SSH2: variants seen among roughly 807,000 people sequenced by gnomAD.
SSH2 encodes slingshot protein phosphatase 2.
A neutral mutation model predicts 135.2 loss-of-function variants in SSH2; 37 were observed. That is an observed-to-expected ratio of 0.27 (90% confidence interval 0.21 to 0.36). SSH2 has a LOEUF of 0.36. Ranked by LOEUF, SSH2 falls within the 10% of genes least tolerant of loss-of-function variation. The pLI is 1.00. For synonymous variants in SSH2, 628 were observed against 646.2 expected (o/e 0.97, Z 0.43); for missense variants, 1,408 against 1,765.3 (o/e 0.80, Z 3.63).
chr17:29,728,903 G>A (rs1424305905), intron 3 of SSH2, among the ~76,000 whole-genome samples: 1 of 152,148 alleles, frequency 6.6e-6, no homozygotes, highest in Non-Finnish European at 1.5e-5. Flanking sequence ...AATCAAAATG[G>A]ATTAAATACT....
At chr17:29,833,233 TC>T (rs1220552072) in intron 2 of SSH2, among the ~76,000 whole-genome samples, 5 of 152,208 alleles carry the variant, frequency 3.3e-5, no homozygotes, top group African/African-American at 1.2e-4. Flanking sequence ...TCTCTTTCAC[TC>T]TAATAATATT....
rs58284055 is a variant in SSH2 at position 29,807,832 on chromosome 17, C to CTTTTT, written c.145-13900_145-13896dup. Among the ~76,000 whole-genome samples the CTTTTT allele has an allele frequency of 2.4e-4, 23 of 94,388 alleles. 1 individual carries two copies. Among genetic ancestry groups the CTTTTT allele is most frequent in the African/African-American group, 4.9e-4 (12 of 24,532 alleles). The allele number at this position is 94,388 out of a possible 152,430, so 61.9% of individuals were successfully genotyped here. A position where few individuals can be genotyped will look rare whatever the true frequency, so the allele number is the denominator to read the frequency against. ...AATTATAAATATGTTGTTTTGATGG[C>CTTTTT]TTTTTTTTTTTTTTTTTTTTTTTAG... On this transcript the variant is annotated intron_variant, in intron 2 of 15. Transcript: ENST00000540801.
chr17:29,723,480 T>C (rs1296114379), intron 3 of SSH2, among the ~76,000 whole-genome samples: 3 of 152,010 alleles, frequency 2.0e-5, no homozygotes, highest in African/African-American at 7.3e-5. Context: ...GATCTGAAAA[T>C]GGCAATAGGG....
intron 3 of SSH2, among the ~76,000 whole-genome samples, chr17:29,718,043 C>CA (rs1448887873): frequency 6.6e-6 from 1 of 152,102 alleles, no homozygotes; most frequent in Non-Finnish European, 1.5e-5. Flanking sequence ...TTCAGTGTTT[C>CA]TACTTTCTCA....
chr17:29,875,809 T>C (rs1165848237), intron 1 of SSH2, among the ~76,000 whole-genome samples: 2 of 152,120 alleles, frequency 1.3e-5, no homozygotes, highest in Non-Finnish European at 2.9e-5. Context: ...GGCTCCTACT[T>C]ATTCTTCAAA....
chr17:29,702,691 A>G (rs1372209322), intron 4 of SSH2, among the ~76,000 whole-genome samples: 1 of 152,106 alleles, frequency 6.6e-6, no homozygotes, highest in African/African-American at 2.4e-5. Flanking sequence ...CCCAATCTTA[A>G]CTGAGAAGTT....
chr17:29,793,955 GA>G lies in SSH2; in HGVS notation c.145-19del, dbSNP rs554939632. On this transcript the variant is annotated intron_variant, in intron 2 of 15. Transcript: ENST00000540801. Reference sequence around the variant, plus strand: ...TCTGCCTCCTGTATAGACAGAAAATGAAAAAAAAAATTAAAACCTGAGGTTT... The same window carrying G: ...TCTGCCTCCTGTATAGACAGAAAATGAAAAAAAAATTAAAACCTGAGGTTT... 668 of 1,516,338 alleles carry G rather than the reference GA, an allele frequency of 4.4e-4. No homozygotes were observed. Among genetic ancestry groups the G allele is most frequent in the South Asian group, 6.2e-4 (51 of 82,174 alleles). 93.9% of individuals were successfully genotyped at this position (1,516,338 alleles called of 1,614,324 possible).
chr17:29,652,098 C>T (rs548173456), intron 12 of SSH2, among the ~76,000 whole-genome samples: 6 of 152,086 alleles, frequency 3.9e-5, no homozygotes, highest in Middle Eastern at 3.4e-3. Context: ...GTCGAGATTG[C>T]GCCATTGCAC....
intron 11 of SSH2, among the ~76,000 whole-genome samples, chr17:29,664,013 T>TA (rs2037164068): frequency 2.0e-5 from 3 of 152,236 alleles, no homozygotes; most frequent in South Asian, 4.1e-4. Flanking sequence ...AACTACTCTT[T>TA]AAAAAAATAA....
At chr17:29,867,799 C>G (rs2065878147) in intron 1 of SSH2, among the ~76,000 whole-genome samples, 1 of 152,124 alleles carries the variant, frequency 6.6e-6, no homozygotes, top group Non-Finnish European at 1.5e-5. Context: ...GTAAAGAGCT[C>G]TATTCCTTCT....
chr17:29,784,160 G>A (rs2041906908), intron 3 of SSH2, among the ~76,000 whole-genome samples: 1 of 151,498 alleles, frequency 6.6e-6, no homozygotes, highest in Admixed American at 6.6e-5. Flanking sequence ...GCCAAGGTGG[G>A]TGGATCACCT....
intron 1 of SSH2, among the ~76,000 whole-genome samples, chr17:29,857,728 C>T (rs980512337): frequency 2.6e-5 from 4 of 152,182 alleles, no homozygotes; most frequent in African/African-American, 9.7e-5. Flanking sequence ...TCAAACAATC[C>T]TCCTGCCTTG....
chr17:29,714,080 C>T (rs2039532563), intron 3 of SSH2, among the ~76,000 whole-genome samples: 1 of 152,100 alleles, frequency 6.6e-6, no homozygotes, highest in African/African-American at 2.4e-5. Context: ...TCCTGCAGCC[C>T]TAAATTCTAG....
At chr17:29,762,843 C>T (rs1178995934) in intron 3 of SSH2, among the ~76,000 whole-genome samples, 1 of 152,128 alleles carries the variant, frequency 6.6e-6, no homozygotes, top group Non-Finnish European at 1.5e-5. Context: ...CAGGTATCAG[C>T]ATTTTCAGCA....
At chr17:29,843,826 C>G (rs1203360010) in intron 2 of SSH2, among the ~76,000 whole-genome samples, 1 of 152,096 alleles carries the variant, frequency 6.6e-6, no homozygotes. Context: ...CTTGAACTTA[C>G]TATTAGGCTA....
chr17:29,629,197 C>T lies in SSH2; in HGVS notation c.*1644G>A, dbSNP rs1265833685. On this transcript the variant is annotated 3_prime_UTR_variant, in exon 16 of 16. Transcript: ENST00000540801. Reference sequence around the variant, plus strand: ...CAGGCGCTGCTGCGTTAAGGATCTCCACAACAGTAGCAAAACGACAGCATC... The same window carrying T: ...CAGGCGCTGCTGCGTTAAGGATCTCTACAACAGTAGCAAAACGACAGCATC... 6.6e-6 allele frequency: 1 copy of T among 152,534 alleles called. No individual in the cohort carries two copies. Among genetic ancestry groups the T allele is most frequent in the East Asian group, 1.9e-4 (1 of 5,202 alleles). 9.4% of individuals were successfully genotyped at this position (152,534 alleles called of 1,614,324 possible).
At chr17:29,704,018 T>A (rs2039098459) in intron 3 of SSH2, among the ~76,000 whole-genome samples, 1 of 152,220 alleles carries the variant, frequency 6.6e-6, no homozygotes, top group African/African-American at 2.4e-5. Context: ...AAAACAGGGA[T>A]AATAAAATGA....
chr17:29,699,821 GT>G (rs1191690139), intron 4 of SSH2, among the ~76,000 whole-genome samples: 5 of 152,092 alleles, frequency 3.3e-5, no homozygotes, highest in Non-Finnish European at 7.4e-5. Flanking sequence ...GCACATTCAA[GT>G]TTTTTGGGGA....
chr17:29,760,738 A>C (rs1435959788), intron 3 of SSH2, among the ~76,000 whole-genome samples: 9 of 151,362 alleles, frequency 5.9e-5, no homozygotes, highest in African/African-American at 4.9e-5. Context: ...AAAAAAAAAA[A>C]CCCATAATCA....
Sources: gnomAD v4.1 joint callset for allele counts (sites outside exome capture counted in the v4.1 genomes callset) on GRCh38, gnomAD v4.1.1 for gene constraint, MANE v1.5 for transcripts, NCBI Gene and HGNC (gene_info 2026-07-23, HGNC 2026-07-21) for gene names.